Variants in FUBP1 observed in about 807,000 individuals in gnomAD.
The protein encoded by FUBP1 is far upstream element binding protein 1, also known as far upstream element-binding protein 1.
FUBP1 carries 16 observed loss-of-function variants against 94.9 expected under a neutral mutation model. The observed-to-expected ratio is 0.17, with a 90% confidence interval of 0.11 to 0.26. FUBP1 has a LOEUF of 0.26. FUBP1 is among the 10% of genes least tolerant of loss of function. FUBP1 has a pLI of 1.00. For synonymous variants in FUBP1, 279 were observed against 254.9 expected (o/e 1.09, Z -0.90); for missense variants, 583 against 808.6 (o/e 0.72, Z 3.38).
At chr1:77,976,119 G>A (rs1271569459) in intron 1 of FUBP1, among the ~76,000 whole-genome samples, 1 of 152,152 alleles carries the variant, frequency 6.6e-6, no homozygotes, top group African/African-American at 2.4e-5. Flanking sequence ...TAGTATTCTA[G>A]ACAAAGAAAA....
rs576616003 is a variant in FUBP1 at position 77,955,821 on chromosome 1, T to C, written c.1706-492A>G. Among the ~76,000 whole-genome samples, 4 of 152,304 alleles carry C rather than the reference T, an allele frequency of 2.6e-5. No individual in the cohort carries two copies. In the South Asian group the frequency reaches 6.2e-4, roughly 24 times the overall value. On this transcript the variant is annotated intron_variant, in intron 17 of 19. Transcript: ENST00000370768. ...GAAGCTAGAAGCAATTACACCTCAGTAGCAACAAGCATACTCAAGTCTCGT... is the reference window on the plus strand; with the variant it reads ...GAAGCTAGAAGCAATTACACCTCAGCAGCAACAAGCATACTCAAGTCTCGT...
intron 18 of FUBP1, among the ~76,000 whole-genome samples, chr1:77,951,870 T>G (rs561762866): frequency 6.6e-6 from 1 of 152,278 alleles, no homozygotes; most frequent in East Asian, 1.9e-4. Flanking sequence ...GTCCTCACTC[T>G]ACCCTCCTTT....
chr1:77,977,855 A>C lies in FUBP1; in HGVS notation c.120+1030T>G, dbSNP rs183493934. ...GTTCACATTAGATGTGTTACAACGG[A>C]TTTTATGAATTCTAATTTTGACTCA... On this transcript the variant is annotated intron_variant, in intron 1 of 19. Transcript: ENST00000370768. Among the ~76,000 whole-genome samples, 6 of 152,320 alleles carry C rather than the reference A, an allele frequency of 3.9e-5. No homozygotes were observed. In the East Asian group the frequency reaches 9.6e-4, roughly 24 times the overall value.
intron 16 of FUBP1, among the ~76,000 whole-genome samples, chr1:77,959,514 T>TTA (rs139330720): frequency 0.012 from 1,787 of 151,780 alleles, 30 homozygotes; most frequent in African/African-American, 0.042. Flanking sequence ...TGTTGGACTG[T>TTA]TATATATATA....
intron 1 of FUBP1, among the ~76,000 whole-genome samples, chr1:77,978,577 C>T (rs189896922): frequency 2.0e-5 from 3 of 152,322 alleles, no homozygotes; most frequent in Non-Finnish European, 2.9e-5. Flanking sequence ...TGCGCTTTAT[C>T]CCCTGGAAGA....
Position 77,973,776 on chromosome 1 carries a change from AT to A in FUBP1, c.121-3762del, listed in dbSNP as rs58062259. 8.4e-3 allele frequency among the ~76,000 whole-genome samples: 1,277 copies of A among 152,332 alleles called. 15 individuals carry two copies. The highest frequency in any genetic ancestry group is 0.029 in the African/African-American group (1,214 of 41,576). ...TTGCTCTTCACGGTTTCAGTTACCT[AT>A]GATATAGTACAATCAGATATTCTGG... On this transcript the variant is annotated intron_variant, in intron 1 of 19. Transcript: ENST00000370768.
intron 1 of FUBP1, among the ~76,000 whole-genome samples, chr1:77,974,868 T>C (rs1246624198): frequency 1.3e-5 from 2 of 152,234 alleles, no homozygotes; most frequent in Non-Finnish European, 2.9e-5. Flanking sequence ...TCAGGTGGTA[T>C]GATCAACTAT....
chr1:77,957,861 C>A (rs1654762422), intron 16 of FUBP1, among the ~76,000 whole-genome samples: 1 of 149,006 alleles, frequency 6.7e-6, no homozygotes, highest in African/African-American at 2.5e-5. Context: ...CACTCTGTTG[C>A]CCAGGCTGGA....
rs1651787913 is a variant in FUBP1, at chr1:77,944,710, C to G, written c.*4056G>C. ...TCACTTCTGAATGACTCCCCTTTCC[C>G]TCTGAAAGTACTCTGCTATTCCTAC... On this transcript the variant is annotated 3_prime_UTR_variant, in exon 20 of 20. Coordinates refer to ENST00000370768, the MANE Select transcript of FUBP1 (RefSeq NM_003902.5). Among the ~76,000 whole-genome samples the G allele has an allele frequency of 1.3e-5, 2 of 151,874 alleles. No individual in the cohort carries two copies.
rs114944361 is a variant in FUBP1, at chr1:77,944,439, A to G, written c.*4327T>C. ...AGCACCAATTTAAAAAAATCCCTCA[A>G]AAGCTTATATTGTGGCAAGAAAAAT... On this transcript the variant is annotated 3_prime_UTR_variant, in exon 20 of 20. Coordinates refer to ENST00000370768, the MANE Select transcript of FUBP1 (RefSeq NM_003902.5). Among the ~76,000 whole-genome samples the G allele has an allele frequency of 5.0e-3, 765 of 152,032 alleles. 3 individuals are homozygous for G. The highest frequency in any genetic ancestry group is 8.4e-3 in the Non-Finnish European group (570 of 67,836).
rs2102401749 is a variant in FUBP1 at position 77,964,962 on chromosome 1, C to T, written c.643G>A (p.Ala215Thr). 1 of 1,610,880 alleles carries T rather than the reference C, an allele frequency of 6.2e-7. No homozygotes were observed. The highest frequency in any genetic ancestry group is 8.5e-7 in the Non-Finnish European group (1 of 1,177,128). ...TGAATCATAACCATTTTAACTCCAG[C>T]CCGTTCCTGTTACAATCATAGAAAT... ...GETIKQLQER[A>T]GVKMVMIQDG... Residue 215 changes from alanine to threonine, a missense_variant, in exon 9 of 20, where the codon GCT (alanine) becomes ACT (threonine). Ala to Thr is a moderately conservative substitution (Grantham distance 58, BLOSUM62 0). Coordinates refer to ENST00000370768, the MANE Select transcript of FUBP1 (RefSeq NM_003902.5).
At chr1:77,972,129 C>T (rs1363765953) in intron 1 of FUBP1, among the ~76,000 whole-genome samples, 2 of 151,816 alleles carry the variant, frequency 1.3e-5, no homozygotes, top group Non-Finnish European at 1.5e-5. Flanking sequence ...TCTTATTTTC[C>T]TAATAATGCC....
chr1:77,955,100 C>T (rs1454003885), intron 18 of FUBP1, among the ~76,000 whole-genome samples, 155 bp downstream of exon 18: 8 of 152,046 alleles, frequency 5.3e-5, no homozygotes, highest in African/African-American at 1.9e-4. Flanking sequence ...AAAAAAATTT[C>T]CTTGCCATAT....
At chr1:77,969,889 T>G (rs1214467417) in intron 2 of FUBP1, 36 bp downstream of exon 2, 2 of 943,756 alleles carry the variant, frequency 2.1e-6, no homozygotes, top group African/African-American at 3.3e-5. Context: ...CTAAACACTC[T>G]GAAAAACAAT....
chr1:77,973,905 T>C (rs982922261), intron 1 of FUBP1, among the ~76,000 whole-genome samples: 1 of 152,192 alleles, frequency 6.6e-6, no homozygotes, highest in African/African-American at 2.4e-5. Context: ...ATTGTTGTAA[T>C]TGTTCTATTT....
intron 1 of FUBP1, among the ~76,000 whole-genome samples, chr1:77,971,064 A>C (rs1357093221): frequency 2.0e-5 from 3 of 151,872 alleles, no homozygotes; most frequent in East Asian, 1.9e-4. Flanking sequence ...TAAAAAACAA[A>C]AAAAAAAACC....
Position 77,978,879 on chromosome 1 carries a change from A to G in FUBP1, c.120+6T>C. ...TTCGGGATTCCGCCGCGCGGTCCAC[A>G]CTTACCTGCCGGGCTCTCTGCAGTG... On this transcript the variant is annotated splice_donor_region_variant and intron_variant, in intron 1 of 19. Coordinates refer to ENST00000370768, the MANE Select transcript of FUBP1 (RefSeq NM_003902.5). 6.2e-7 allele frequency: 1 copy of G among 1,613,418 alleles called. No homozygotes were observed. Among genetic ancestry groups the G allele is most frequent in the Non-Finnish European group, 8.5e-7 (1 of 1,179,808 alleles).
chr1:77,960,121 T>C, intron 16 of FUBP1, 63 bp downstream of exon 16: 1 of 1,185,344 alleles, frequency 8.4e-7, no homozygotes, highest in Non-Finnish European at 1.2e-6. Flanking sequence ...CACTAGAAAA[T>C]TTAATAATGT....
chr1:77,974,204 C>A (rs560137199), intron 1 of FUBP1, among the ~76,000 whole-genome samples: 17 of 148,644 alleles, frequency 1.1e-4, no homozygotes, highest in African/African-American at 3.7e-4. Flanking sequence ...GGCGCGATCT[C>A]GGTTCACTGC....
Sources: gnomAD v4.1 joint callset for allele counts (sites outside exome capture counted in the v4.1 genomes callset) on GRCh38, gnomAD v4.1.1 for gene constraint, MANE v1.5 for transcripts, NCBI Gene and HGNC (gene_info 2026-07-23, HGNC 2026-07-21) for gene names.